The following RAD51B variants were observed in gnomAD, a reference collection of about 807,000 sequenced individuals.
The protein encoded by RAD51B is DNA repair protein RAD51 homolog 2.
A neutral mutation model predicts 42.2 loss-of-function variants in RAD51B; 38 were observed. The ratio of observed to expected loss-of-function variants is 0.90; its 90% CI spans 0.70 to 1.18. The LOEUF is 1.18. Ranked by LOEUF, RAD51B falls within the 50% of genes most tolerant of loss-of-function variation. RAD51B has a pLI of 0.00. For missense variants in RAD51B, 373 were observed against 400.7 expected (o/e 0.93, Z 0.59); for synonymous variants, 154 against 145.2 (o/e 1.06, Z -0.43).
chr14:68,654,954 T>C (rs1892780002), intron 11 of RAD51B, among the ~76,000 whole-genome samples: 1 of 152,074 alleles, frequency 6.6e-6, no homozygotes, highest in Non-Finnish European at 1.5e-5. Flanking sequence ...CCCCCTGCCT[T>C]CCCAGGTAAG....
At chr14:68,072,135 T>TATAAAA (rs1566623194) in intron 7 of RAD51B, among the ~76,000 whole-genome samples, 2 of 131,074 alleles carry the variant, frequency 1.5e-5, no homozygotes, top group African/African-American at 5.9e-5. Context: ...ATATATATAA[T>TATAAAA]TATATATATA....
intron 7 of RAD51B, among the ~76,000 whole-genome samples, chr14:68,282,996 C>G (rs1350104626): frequency 6.6e-6 from 1 of 152,188 alleles, no homozygotes; most frequent in Non-Finnish European, 1.5e-5. Context: ...TCAGGTTGGA[C>G]TCCCCCAAGT....
rs114302299 is a variant in RAD51B at position 68,153,982 on chromosome 14, A to G, written c.757-137902A>G. ...TTGTCAATAAGCCATGTGATTCATGAGTCGTATTTTAATCGTCTTCTTATT... is the reference window on the plus strand; with the variant it reads ...TTGTCAATAAGCCATGTGATTCATGGGTCGTATTTTAATCGTCTTCTTATT... On this transcript the variant is annotated intron_variant, in intron 7 of 10. Transcript: ENST00000471583. Among the ~76,000 whole-genome samples the G allele has an allele frequency of 2.8e-3, 433 of 152,300 alleles. 2 individuals are homozygous for G. The highest frequency in any genetic ancestry group is 1.0e-2 in the African/African-American group (415 of 41,564).
At chr14:67,982,579 G>T (rs1022688848) in intron 7 of RAD51B, among the ~76,000 whole-genome samples, 1 of 152,022 alleles carries the variant, frequency 6.6e-6, no homozygotes, top group South Asian at 2.1e-4. Context: ...TTCATTTTGC[G>T]TGGAAGTTCT....
At chr14:68,472,355 G>A (rs139727656) in intron 10 of RAD51B, among the ~76,000 whole-genome samples, 225 of 152,270 alleles carry the variant, frequency 1.5e-3, no homozygotes, top group Middle Eastern at 3.4e-3. Context: ...TGTTGCTGGC[G>A]CTGCAGGAGG....
At chr14:68,520,266 G>A (rs1021008552) in intron 10 of RAD51B, among the ~76,000 whole-genome samples, 1 of 152,184 alleles carries the variant, frequency 6.6e-6, no homozygotes, top group African/African-American at 2.4e-5. Flanking sequence ...TAAACCATCA[G>A]AGCCCCCATA....
intron 10 of RAD51B, chr14:68,469,064 T>TC (rs1267193992): frequency 1.2e-5 from 6 of 502,170 alleles, no homozygotes; most frequent in Non-Finnish European, 2.4e-5. Context: ...ACAGAAGTGC[T>TC]CAGGATATAC....
chr14:68,198,478 C>A (rs1194782968), intron 7 of RAD51B, among the ~76,000 whole-genome samples: 1 of 152,050 alleles, frequency 6.6e-6, no homozygotes, highest in South Asian at 2.1e-4. Flanking sequence ...TGAGAAAAAA[C>A]TATTAAGTTT....
chr14:67,995,638 G>A (rs2075369537), intron 7 of RAD51B, among the ~76,000 whole-genome samples: 1 of 149,688 alleles, frequency 6.7e-6, no homozygotes, highest in African/African-American at 2.5e-5. Context: ...TTTTGAGACG[G>A]AGTCTCTCTC....
At chr14:68,136,332 T>G (rs1253146269) in intron 7 of RAD51B, among the ~76,000 whole-genome samples, 1 of 136,156 alleles carries the variant, frequency 7.3e-6, no homozygotes, top group Non-Finnish European at 1.6e-5. Flanking sequence ...TCCCAGCACT[T>G]TGGGAGGCCA....
At chr14:68,631,908 G>T (rs1157381588) in intron 10 of RAD51B, among the ~76,000 whole-genome samples, 1 of 152,190 alleles carries the variant, frequency 6.6e-6, no homozygotes, top group African/African-American at 2.4e-5. Context: ...GCCTGGGAGA[G>T]TTTGAAGATG....
intron 7 of RAD51B, among the ~76,000 whole-genome samples, chr14:68,042,256 C>T (rs1203324937): frequency 6.6e-6 from 1 of 152,184 alleles, no homozygotes; most frequent in African/African-American, 2.4e-5. Flanking sequence ...GTAGAAGTTG[C>T]ATCTATTCAT....
intron 7 of RAD51B, among the ~76,000 whole-genome samples, chr14:67,967,273 T>A (rs2074799359): frequency 1.3e-5 from 2 of 152,092 alleles, no homozygotes; most frequent in Admixed American, 1.3e-4. Flanking sequence ...AAGATGAGAT[T>A]TGGGTGGGGA....
intron 7 of RAD51B, among the ~76,000 whole-genome samples, chr14:68,251,315 C>T (rs1436666122): frequency 6.6e-6 from 1 of 152,080 alleles, no homozygotes; most frequent in Admixed American, 6.5e-5. Flanking sequence ...GTTTATGCAC[C>T]TCGATGAGCC....
chr14:68,562,198 C>T, intron 10 of RAD51B: 1 of 985,430 alleles, frequency 1.0e-6, no homozygotes, highest in Non-Finnish European at 1.2e-6. Context: ...CTCCAAGTGA[C>T]CCTGCCTCAC....
intron 5 of RAD51B, among the ~76,000 whole-genome samples, chr14:67,872,628 CAA>C (rs2042580596): frequency 6.6e-6 from 1 of 151,592 alleles, no homozygotes; most frequent in Non-Finnish European, 1.5e-5. Flanking sequence ...CCCGCATCGC[CAA>C]GTCAATCCTG....
At chr14:68,003,160 G>A (rs1358603373) in intron 7 of RAD51B, among the ~76,000 whole-genome samples, 1 of 152,182 alleles carries the variant, frequency 6.6e-6, no homozygotes, top group Non-Finnish European at 1.5e-5. Flanking sequence ...CTATCCATGA[G>A]CATGGGATAT....
At chr14:68,149,728 G>T (rs918773202) in intron 7 of RAD51B, 2 of 152,140 alleles carry the variant, frequency 1.3e-5, no homozygotes, top group African/African-American at 4.8e-5. Context: ...TCCAATCTAG[G>T]CCAGTTTATT....
intron 9 of RAD51B, among the ~76,000 whole-genome samples, chr14:68,451,834 C>T (rs73278328): frequency 0.063 from 9,550 of 152,190 alleles, 975 homozygotes; most frequent in African/African-American, 0.22. Flanking sequence ...AGATTTCAGC[C>T]CCTTTACATA....
Sources: allele counts gnomAD v4.1 joint callset (sites outside exome capture counted in the v4.1 genomes callset), GRCh38; gene constraint gnomAD v4.1.1; transcripts MANE v1.5; gene names NCBI Gene and HGNC (gene_info 2026-07-23, HGNC 2026-07-21).